The following ZBTB16 variants were observed in gnomAD, a reference collection of about 807,000 sequenced individuals.
The protein encoded by ZBTB16 is zinc finger and BTB domain-containing protein 16.
ZBTB16 carries 8 observed loss-of-function variants against 56.8 expected under a neutral mutation model. The observed-to-expected ratio is 0.14, with a 90% confidence interval of 0.08 to 0.25. The LOEUF (loss-of-function observed/expected upper bound fraction) is 0.25, where lower values mean the gene tolerates loss of function less well. ZBTB16 is among the 10% of genes least tolerant of loss of function. ZBTB16 has a pLI of 1.00. For missense variants in ZBTB16, 625 were observed against 903.0 expected, an observed-to-expected ratio of 0.69 and a Z score of 3.95; for synonymous variants, 363 against 368.5, an observed-to-expected ratio of 0.98 and a Z score of 0.17.
At chr11:114,243,297 C>T (rs1469492700) in intron 5 of ZBTB16, among the ~76,000 whole-genome samples, 4 of 152,196 alleles carry the variant, frequency 2.6e-5, no homozygotes, top group African/African-American at 7.2e-5. Context: ...CTGCATGCCA[C>T]GTAAAGGAAC....
chr11:114,161,999 T>C (rs1942602605), intron 3 of ZBTB16, among the ~76,000 whole-genome samples: 1 of 152,222 alleles, frequency 6.6e-6, no homozygotes, highest in South Asian at 2.1e-4. Flanking sequence ...TCTCTTGCCC[T>C]TGTCAGGCAC....
intron 2 of ZBTB16, among the ~76,000 whole-genome samples, chr11:114,156,080 T>G (rs1942401101): frequency 6.6e-6 from 1 of 152,174 alleles, no homozygotes; most frequent in Admixed American, 6.5e-5. Context: ...TGGATCTGAT[T>G]TTTTTTCTTG....
intron 3 of ZBTB16, among the ~76,000 whole-genome samples, chr11:114,161,794 G>T (rs1394974394): frequency 2.0e-5 from 3 of 150,790 alleles, no homozygotes; most frequent in African/African-American, 7.4e-5. Context: ...TTTGTGTCTG[G>T]AATAGAAGGG....
At chr11:114,129,310 A>G (rs1941599213) in intron 2 of ZBTB16, among the ~76,000 whole-genome samples, 1 of 152,262 alleles carries the variant, frequency 6.6e-6, no homozygotes, top group Admixed American at 6.5e-5. Context: ...ATTACTGAGT[A>G]CATTTGATCC....
At chr11:114,123,243 A>G (rs1941394328) in intron 2 of ZBTB16, among the ~76,000 whole-genome samples, 3 of 152,080 alleles carry the variant, frequency 2.0e-5, no homozygotes, top group African/African-American at 4.8e-5. Context: ...AATTCAGTCC[A>G]TAGTAGTCAT....
rs2137640492 is a variant in ZBTB16, at chr11:114,059,851, A to T, written c.-122A>T. ...GGCACACACCCCCCGACAGGCACGC[A>T]CACCCACCCCACAGTGCCCGGCTCG... is the stretch of plus-strand genomic sequence containing the variant. On this transcript the variant is annotated 5_prime_UTR_variant, in exon 1 of 7. Transcript: ENST00000335953. This position sits in a 1 kb window ranked among gnomAD's most constrained non-coding sequence, Gnocchi z 5.3. 2.5e-6 allele frequency: 1 copy of T among 397,042 alleles called. No homozygotes were observed. The highest frequency in any genetic ancestry group is 3.6e-5 in the East Asian group (1 of 27,930). 24.6% of individuals were successfully genotyped at this position (397,042 alleles called of 1,614,324 possible). A position where few individuals can be genotyped will look rare whatever the true frequency, so the allele number is the denominator to read the frequency against.
At chr11:114,135,630 C>T (rs1291637656) in intron 2 of ZBTB16, among the ~76,000 whole-genome samples, 1 of 152,172 alleles carries the variant, frequency 6.6e-6, no homozygotes, top group African/African-American at 2.4e-5. Context: ...CCTGCCAGCA[C>T]CTTGATTTTA....
intron 4 of ZBTB16, among the ~76,000 whole-genome samples, chr11:114,235,650 C>CTT (rs1944554839): frequency 4.3e-5 from 1 of 23,108 alleles, no homozygotes; most frequent in South Asian, 2.3e-3. Context: ...TTCTTTCTTT[C>CTT]TTTCTTTCTT....
intron 2 of ZBTB16, among the ~76,000 whole-genome samples, chr11:114,138,465 T>C (rs1045354616): frequency 3.3e-5 from 5 of 152,220 alleles, no homozygotes; most frequent in African/African-American, 1.2e-4. Context: ...ATTCCTGTCA[T>C]ACATTATTAG....
chr11:114,231,885 C>A (rs554239375), intron 4 of ZBTB16, among the ~76,000 whole-genome samples: 2 of 152,268 alleles, frequency 1.3e-5, no homozygotes, highest in South Asian at 4.2e-4. Flanking sequence ...CTTTAAGGAT[C>A]ACTTATATCC....
In ZBTB16 at chr11:114,147,219, TTCTC is replaced by T. The variant is rs1475548480; in HGVS notation, c.1269-9117_1269-9114del. Among the ~76,000 whole-genome samples, 3 of 152,356 alleles carry T rather than the reference TTCTC, an allele frequency of 2.0e-5. No homozygotes were observed. In the East Asian group the frequency reaches 5.8e-4, roughly 29 times the overall value. On this transcript the variant is annotated intron_variant, in intron 2 of 6. Transcript: ENST00000335953. The stretch of plus-strand genomic sequence containing the variant: ...TTAGGCCTTTAATAAACCTCAGTTA[TTCTC>T]AACAATCTCTGAGTTTCCATGGCTG...
At chr11:114,142,361 T>A (rs1941975018) in intron 2 of ZBTB16, among the ~76,000 whole-genome samples, 1 of 152,244 alleles carries the variant, frequency 6.6e-6, no homozygotes. Flanking sequence ...CTTTAGTTAA[T>A]TGCACAACGG....
At chr11:114,246,938 C>A in intron 5 of ZBTB16, 2 of 531,624 alleles carry the variant, frequency 3.8e-6, no homozygotes, top group South Asian at 4.0e-5. Flanking sequence ...TGCTGTCCAT[C>A]CCTGAACCAA....
intron 2 of ZBTB16, among the ~76,000 whole-genome samples, chr11:114,079,420 G>A (rs1489500543): frequency 1.3e-5 from 2 of 152,142 alleles, no homozygotes; most frequent in Admixed American, 1.3e-4. Flanking sequence ...CCCTGTGCTA[G>A]CAGCCAGCTG....
At chr11:114,249,698 G>A (rs1430343885) in intron 6 of ZBTB16, among the ~76,000 whole-genome samples, 3 of 144,416 alleles carry the variant, frequency 2.1e-5, no homozygotes, top group Non-Finnish European at 4.5e-5. Context: ...CCGGGAAGCG[G>A]AGCTTGCAGT....
chr11:114,214,590 C>CT (rs1272934542), intron 4 of ZBTB16, among the ~76,000 whole-genome samples: 3 of 151,370 alleles, frequency 2.0e-5, no homozygotes, highest in Admixed American at 1.3e-4. Flanking sequence ...TATTTGGGGG[C>CT]TTTTTTTTGG....
intron 4 of ZBTB16, chr11:114,209,406 A>G (rs1221772102): frequency 1.2e-5 from 12 of 985,276 alleles, no homozygotes; most frequent in Non-Finnish European, 1.4e-5. Context: ...GGGAGGAAGG[A>G]TATAAAAGGG....
intron 4 of ZBTB16, among the ~76,000 whole-genome samples, chr11:114,199,224 TGGATGCCGCTGGGCCCAGGGACGG>T (rs1400098292): frequency 6.6e-6 from 1 of 150,482 alleles, no homozygotes; most frequent in Non-Finnish European, 1.5e-5. Context: ...ATGACGGACA[TGGATGCCGCTGGGCCCAGGGACGG>T]GGATGCCGGA....
intron 4 of ZBTB16, among the ~76,000 whole-genome samples, chr11:114,213,280 G>A (rs544932249): frequency 6.6e-6 from 1 of 152,288 alleles, no homozygotes; most frequent in South Asian, 2.1e-4. Flanking sequence ...TTTGCCAAGA[G>A]ATAGGTATTT....
Sources: gnomAD v4.1 joint callset for allele counts (sites outside exome capture counted in the v4.1 genomes callset) on GRCh38, gnomAD v4.1.1 for gene constraint, Gnocchi (gnomAD v3.1) non-coding constraint, MANE v1.5 for transcripts, NCBI Gene and HGNC (gene_info 2026-07-23, HGNC 2026-07-21) for gene names.